LDB3: variants seen among roughly 807,000 people sequenced by gnomAD.
LDB3 encodes the protein LIM domain binding 3.
Under a neutral mutation model 69.0 loss-of-function variants are expected in LDB3, and 49 were observed. The ratio of observed to expected loss-of-function variants is 0.71; its 90% CI spans 0.56 to 0.90. LDB3 has a LOEUF of 0.90. LDB3 is among the 40% of genes least tolerant of loss of function. The probability of loss-of-function intolerance (pLI) is 0.00; values close to 1 mark genes in which losing one functional copy is unlikely to be tolerated. For missense variants in LDB3, 928 were observed against 974.1 expected (o/e 0.95, Z 0.63); for synonymous variants, 387 against 396.2 (o/e 0.98, Z 0.28).
chr10:86,700,436 C>T (rs893133491), intron 7 of LDB3, among the ~76,000 whole-genome samples: 1 of 152,176 alleles, frequency 6.6e-6, no homozygotes, highest in African/African-American at 2.4e-5. Context: ...CAGGAAGGAG[C>T]TACTTATGCT....
intron 13 of LDB3, among the ~76,000 whole-genome samples, chr10:86,731,783 A>C (rs1847466879): frequency 6.6e-6 from 1 of 151,608 alleles, no homozygotes; most frequent in East Asian, 1.9e-4. Context: ...ACATGTCTCT[A>C]GCAGTGCACG....
At chr10:86,685,769 G>T in intron 5 of LDB3, 1 of 1,569,028 alleles carries the variant, frequency 6.4e-7, no homozygotes, top group Non-Finnish European at 8.8e-7. Flanking sequence ...CGTGTGTCTG[G>T]CGTGGATAGA....
At chr10:86,695,610 TC>T (rs1363563388) in intron 7 of LDB3, among the ~76,000 whole-genome samples, 4 of 152,204 alleles carry the variant, frequency 2.6e-5, no homozygotes, top group Non-Finnish European at 1.5e-5. Context: ...TGGGAACTAC[TC>T]TAGTAGGTAT....
intron 5 of LDB3, among the ~76,000 whole-genome samples, chr10:86,686,655 GAA>G (rs113632066): frequency 3.2e-4 from 46 of 144,292 alleles, no homozygotes; most frequent in African/African-American, 1.0e-3. Flanking sequence ...TGTCTTTACA[GAA>G]AAAAAAAAAA....
chr10:86,679,265 A>T, intron 2 of LDB3, 102 bp from the exon 3 acceptor site: 2 of 1,431,182 alleles, frequency 1.4e-6, no homozygotes, highest in Non-Finnish European at 2.0e-6. Flanking sequence ...AAACACAATG[A>T]CGGCTTCTGT....
rs45514002 is a variant in LDB3 at position 86,726,175 on chromosome 10, G to A, written c.2017G>A (p.Asp673Asn). 1.4e-4 allele frequency: 229 copies of A among 1,614,022 alleles called. 1 individual carries two copies. In the East Asian group the frequency reaches 4.4e-3, roughly 31 times the overall value. The part of the protein sequence containing the change: ...NLFSTKCHGC[D>N]FPVEAGDKFI... ...GTTCAGCACCAAGTGCCATGGCTGCGATTTCCCCGTGGAGGCTGGCGACAA... is the reference window on the plus strand; with the variant it reads ...GTTCAGCACCAAGTGCCATGGCTGCAATTTCCCCGTGGAGGCTGGCGACAA... The change falls in exon 13 of 14, where the codon GAT becomes AAT. Residue 673 changes from aspartate (D) to asparagine (N), a missense_variant. Transcript: ENST00000361373.
chr10:86,730,507 A>G (rs182346915), intron 13 of LDB3, among the ~76,000 whole-genome samples: 76 of 152,344 alleles, frequency 5.0e-4, no homozygotes, highest in Non-Finnish European at 8.8e-4. Flanking sequence ...CAAACCCATG[A>G]ACCCAGATCA....
In LDB3 at chr10:86,708,484, G is replaced by A. The variant is rs1236491193; in HGVS notation, c.1086-1421G>A. 2.0e-5 allele frequency among the ~76,000 whole-genome samples: 3 copies of A among 152,086 alleles called. No individual in the cohort carries two copies. In the East Asian group the frequency reaches 5.8e-4, roughly 29 times the overall value. ...CTGACTCAGGACCTGTAGCTCCTGG[G>A]CTGTGGGCAAAGTGTCCTCCAATGA... is the stretch of plus-strand genomic sequence containing the variant. On this transcript the variant is annotated intron_variant, in intron 8 of 13. Coordinates refer to ENST00000361373, the MANE Select transcript of LDB3 (RefSeq NM_007078.3).
intron 13 of LDB3, among the ~76,000 whole-genome samples, chr10:86,730,215 A>G (rs1263871439): frequency 1.3e-5 from 2 of 152,154 alleles, no homozygotes; most frequent in Non-Finnish European, 2.9e-5. Flanking sequence ...CTTGGACTGA[A>G]TACATGCATA....
chr10:86,685,984 C>T lies in LDB3; in HGVS notation c.689+4181C>T, dbSNP rs3802662. Among the ~76,000 whole-genome samples the T allele has an allele frequency of 0.58, 88,529 of 151,680 alleles. 27,421 individuals carry two copies. Among genetic ancestry groups the T allele is most frequent in the Non-Finnish European group, 0.71 (48,062 of 67,920 alleles). On this transcript the variant is annotated intron_variant, in intron 5 of 13. Coordinates refer to ENST00000361373, the MANE Select transcript of LDB3 (RefSeq NM_007078.3). Reference sequence around the variant, plus strand: ...GCCTGGGGTTGGTGACGGTGGCGGGCGCAGGGGGAGGGGGACACAGGCTGT... The same window carrying T: ...GCCTGGGGTTGGTGACGGTGGCGGGTGCAGGGGGAGGGGGACACAGGCTGT...
At chr10:86,689,744 C>A (rs1264529407) in intron 5 of LDB3, among the ~76,000 whole-genome samples, 1 of 152,206 alleles carries the variant, frequency 6.6e-6, no homozygotes, top group East Asian at 1.9e-4. Flanking sequence ...GCCATGACCA[C>A]CCATGGGAGG....
In LDB3 at chr10:86,718,866, C is replaced by T. The variant is rs1389469206; in HGVS notation, c.1978+19C>T. 1.2e-6 allele frequency: 2 copies of T among 1,613,816 alleles called. No individual in the cohort carries two copies. Among genetic ancestry groups the T allele is most frequent in the African/African-American group, 1.3e-5 (1 of 75,050 alleles). ...GAGAAAGGTAGGAACACTTCGATGG[C>T]ATGTGGGGAGGCCCCACAGCCTGGG... On this transcript the variant is annotated intron_variant, in intron 12 of 13. Transcript: ENST00000361373.
chr10:86,699,389 TC>T lies in LDB3; in HGVS notation c.896+6824del, dbSNP rs1409018907. ...TTAAAAGCTAAAAGGCTGCCTGGAA[TC>T]CCCCCACCCCAACAGGCTGGACTCC... On this transcript the variant is annotated intron_variant, in intron 7 of 13. Coordinates refer to ENST00000361373, the MANE Select transcript of LDB3 (RefSeq NM_007078.3). The surrounding 1 kb of genome is among the most constrained non-coding windows in gnomAD (Gnocchi z 4.9). 2 of 1,613,128 alleles carry T rather than the reference TC, an allele frequency of 1.2e-6. No homozygotes were observed. Among genetic ancestry groups the T allele is most frequent in the East Asian group, 4.5e-5 (2 of 44,832 alleles).
At chr10:86,682,664 G>A (rs1385072587) in intron 5 of LDB3, among the ~76,000 whole-genome samples, 1 of 152,182 alleles carries the variant, frequency 6.6e-6, no homozygotes, top group Non-Finnish European at 1.5e-5. Flanking sequence ...AGAGCCTAGT[G>A]GTTCAGGGTT....
At chr10:86,725,074 T>C (rs1163689639) in intron 12 of LDB3, among the ~76,000 whole-genome samples, 1 of 152,162 alleles carries the variant, frequency 6.6e-6, no homozygotes, top group African/African-American at 2.4e-5. Flanking sequence ...GAACAGGAAA[T>C]CACTTAAGAA....
chr10:86,711,289 C>T (rs1846649641), intron 9 of LDB3, among the ~76,000 whole-genome samples: 1 of 152,084 alleles, frequency 6.6e-6, no homozygotes, highest in South Asian at 2.1e-4. Context: ...TCCGGGGGCG[C>T]GCGGCCAGCC....
intron 12 of LDB3, among the ~76,000 whole-genome samples, chr10:86,725,338 A>C (rs1427737306): frequency 6.6e-6 from 1 of 152,190 alleles, no homozygotes; most frequent in African/African-American, 2.4e-5. Context: ...CTCATCCACA[A>C]AACAAAACAA....
chr10:86,695,082 A>G (rs527980151), intron 7 of LDB3, among the ~76,000 whole-genome samples: 2 of 152,292 alleles, frequency 1.3e-5, no homozygotes, highest in Middle Eastern at 3.4e-3. Flanking sequence ...GGGTTTGCCA[A>G]TCCTGTGCAT....
intron 2 of LDB3, among the ~76,000 whole-genome samples, chr10:86,670,922 G>A (rs1419684303): frequency 6.6e-6 from 1 of 152,234 alleles, no homozygotes; most frequent in Non-Finnish European, 1.5e-5. Context: ...GCCGCTGGCA[G>A]GGCAGGCCTT....
Sources: allele counts gnomAD v4.1 joint callset (sites outside exome capture counted in the v4.1 genomes callset), GRCh38; gene constraint gnomAD v4.1.1; non-coding constraint Gnocchi (gnomAD v3.1); transcripts MANE v1.5; gene names NCBI Gene and HGNC (gene_info 2026-07-23, HGNC 2026-07-21).